Variants in KHDRBS2 observed in about 807,000 individuals in gnomAD.
KHDRBS2 encodes the protein KH RNA binding domain containing, signal transduction associated 2, also known as KH domain-containing, RNA-binding, signal transduction-associated protein 2.
KHDRBS2 carries 26 observed loss-of-function variants against 44.3 expected under a neutral mutation model. That is an observed-to-expected ratio of 0.59 (90% CI 0.43 to 0.81). KHDRBS2 has a LOEUF of 0.81. KHDRBS2 is among the 40% of genes least tolerant of loss of function. The pLI, the probability that KHDRBS2 is intolerant of heterozygous loss-of-function variation, is 0.00. For synonymous variants in KHDRBS2, 194 were observed against 151.1 expected (o/e 1.28, Z -2.08); for missense variants, 476 against 433.1 (o/e 1.10, Z -0.88).
chr6:62,085,320 T>A (rs1355633129), intron 2 of KHDRBS2, among the ~76,000 whole-genome samples: 2 of 151,814 alleles, frequency 1.3e-5, no homozygotes, highest in Non-Finnish European at 2.9e-5. Flanking sequence ...GGCTAAACCA[T>A]GAAAAATATG....
At chr6:62,001,440 G>A (rs368056427) in intron 3 of KHDRBS2, among the ~76,000 whole-genome samples, 1 of 150,824 alleles carries the variant, frequency 6.6e-6, no homozygotes, top group Admixed American at 6.6e-5. Context: ...TTAAAACATG[G>A]AATATATTGG....
At chr6:61,554,285 G>A in the KHDRBS2 span, among the ~76,000 whole-genome samples, 2 of 151,732 alleles carry the variant, frequency 1.3e-5, no homozygotes, top group African/African-American at 4.8e-5. Context: ...TAAAATCTTT[G>A]TTGGTTTAAA....
intron 2 of KHDRBS2, among the ~76,000 whole-genome samples, chr6:62,137,859 G>C (rs532451512): frequency 2.6e-4 from 39 of 152,114 alleles, no homozygotes; most frequent in Non-Finnish European, 4.6e-4. Flanking sequence ...TCATATTCTG[G>C]TGTCCCAAAG....
At chr6:61,659,202 T>A in the KHDRBS2 span, 1 of 151,822 alleles carries the variant, frequency 6.6e-6, no homozygotes, top group African/African-American at 2.4e-5. Context: ...ATATATAAAG[T>A]GCATGCCCTT....
chr6:61,962,772 A>G (rs1291656052), intron 4 of KHDRBS2, among the ~76,000 whole-genome samples: 1 of 152,112 alleles, frequency 6.6e-6, no homozygotes, highest in African/African-American at 2.4e-5. Context: ...GGCCACTCCT[A>G]GGGGTGACAA....
At chr6:62,019,037 A>G (rs1781774834) in intron 3 of KHDRBS2, among the ~76,000 whole-genome samples, 1 of 152,074 alleles carries the variant, frequency 6.6e-6, no homozygotes, top group African/African-American at 2.4e-5. Context: ...TATGTTAAAT[A>G]GATAGTAACA....
the KHDRBS2 span, among the ~76,000 whole-genome samples, chr6:61,618,706 A>G: frequency 6.6e-6 from 1 of 152,110 alleles, no homozygotes; most frequent in Non-Finnish European, 1.5e-5. Flanking sequence ...TCCCACTTCT[A>G]AGTGAGAACA....
At chr6:62,232,645 G>T (rs1472457782) in intron 1 of KHDRBS2, among the ~76,000 whole-genome samples, 1 of 152,062 alleles carries the variant, frequency 6.6e-6, no homozygotes, top group Non-Finnish European at 1.5e-5. Context: ...TGACTGTGTT[G>T]TGCCTAATAC....
chr6:61,551,185 T>G, the KHDRBS2 span, among the ~76,000 whole-genome samples: 1 of 152,210 alleles, frequency 6.6e-6, no homozygotes, highest in Admixed American at 6.5e-5. Flanking sequence ...AAGCGTCTGT[T>G]GTCCTCTGAC....
At chr6:61,839,114 T>A (rs1217229645) in intron 6 of KHDRBS2, among the ~76,000 whole-genome samples, 1 of 152,046 alleles carries the variant, frequency 6.6e-6, no homozygotes, top group Non-Finnish European at 1.5e-5. Flanking sequence ...TCTCATTTTA[T>A]AGAGATGGGG....
At chr6:61,787,741 A>G (rs1485152415) in intron 6 of KHDRBS2, among the ~76,000 whole-genome samples, 3 of 151,670 alleles carry the variant, frequency 2.0e-5, no homozygotes, top group African/African-American at 7.2e-5. Flanking sequence ...GTTTCTTCCA[A>G]TCAGATTCAT....
At chr6:61,883,315 G>A (rs1800469910) in intron 6 of KHDRBS2, among the ~76,000 whole-genome samples, 1 of 151,932 alleles carries the variant, frequency 6.6e-6, no homozygotes, top group African/African-American at 2.4e-5. Flanking sequence ...AAAGATCACG[G>A]CATTTTTTAC....
chr6:62,082,496 A>G (rs1797599596), intron 2 of KHDRBS2, among the ~76,000 whole-genome samples: 1 of 152,100 alleles, frequency 6.6e-6, no homozygotes, highest in Admixed American at 6.6e-5. Flanking sequence ...CTCCCTCCAT[A>G]TTATGTGCTA....
chr6:61,874,698 A>G (rs1243571756), intron 6 of KHDRBS2, among the ~76,000 whole-genome samples: 1 of 152,156 alleles, frequency 6.6e-6, no homozygotes, highest in South Asian at 2.1e-4. Flanking sequence ...CTGAACAGCC[A>G]AGTCCGAACA....
intron 7 of KHDRBS2, among the ~76,000 whole-genome samples, chr6:61,698,208 G>C (rs955988547): frequency 6.6e-6 from 1 of 152,102 alleles, no homozygotes; most frequent in Non-Finnish European, 1.5e-5. Flanking sequence ...ACTTGCTTCA[G>C]ATATCTCCTC....
At chr6:62,005,325 T>C (rs1185027861) in intron 3 of KHDRBS2, among the ~76,000 whole-genome samples, 1 of 152,112 alleles carries the variant, frequency 6.6e-6, no homozygotes, top group Non-Finnish European at 1.5e-5. Context: ...ATTAACCTTG[T>C]TATTTTTTGT....
At chr6:62,145,741 A>C (rs542931215) in intron 2 of KHDRBS2, among the ~76,000 whole-genome samples, 1 of 151,972 alleles carries the variant, frequency 6.6e-6, no homozygotes, top group African/African-American at 2.4e-5. Context: ...TGAATCTGAA[A>C]ATCTGAAATC....
At chr6:61,942,512 T>C (rs1365198729) in intron 4 of KHDRBS2, among the ~76,000 whole-genome samples, 1 of 151,964 alleles carries the variant, frequency 6.6e-6, no homozygotes, top group African/African-American at 2.4e-5. Flanking sequence ...ACAGATCTTT[T>C]GAAATAACCC....
chr6:62,118,356 C>A (rs574470510), intron 2 of KHDRBS2, among the ~76,000 whole-genome samples: 1 of 152,194 alleles, frequency 6.6e-6, no homozygotes, highest in South Asian at 2.1e-4. Flanking sequence ...TCTATTTGCT[C>A]AAGATTGCTT....
Sources: gnomAD v4.1 joint callset for allele counts (sites outside exome capture counted in the v4.1 genomes callset) on GRCh38, gnomAD v4.1.1 for gene constraint, MANE v1.5 for transcripts, NCBI Gene and HGNC (gene_info 2026-07-23, HGNC 2026-07-21) for gene names.